RO60: variants seen among roughly 807,000 people sequenced by gnomAD.
The protein encoded by RO60 is RNA-binding protein RO60.
A neutral mutation model predicts 55.3 loss-of-function variants in RO60; 20 were observed. The observed-to-expected ratio is 0.36, with a 90% CI of 0.25 to 0.53. RO60 has a LOEUF of 0.53. Ranked by LOEUF, RO60 falls within the 20% of genes least tolerant of loss-of-function variation. The probability of loss-of-function intolerance (pLI) is 0.92; values close to 1 mark genes in which losing one functional copy is unlikely to be tolerated. For synonymous variants in RO60, 213 were observed against 213.6 expected, an observed-to-expected ratio of 1.00 and a Z score of 0.02; for missense variants, 558 against 646.6, an observed-to-expected ratio of 0.86 and a Z score of 1.49.
At position 193,090,649 on chromosome 1, in the gene RO60, A is replaced by G. The variant is rs1674821968; in HGVS notation, c.*5918A>G. 1 of 152,044 alleles carries G rather than the reference A, an allele frequency of 6.6e-6. No individual in the cohort carries two copies. Among genetic ancestry groups the G allele is most frequent in the South Asian group, 2.1e-4 (1 of 4,824 alleles). 9.4% of individuals were successfully genotyped at this position (152,044 alleles called of 1,614,324 possible). A position where few individuals can be genotyped will look rare whatever the true frequency, so the allele number is the denominator to read the frequency against. On this transcript the variant is annotated 3_prime_UTR_variant, in exon 9 of 9. Transcript: ENST00000400968. Reference sequence around the variant, plus strand: ...GCTTTATATAAAGGCTTTGATTTCAATAACTGACCATTTGATGAATATTTA... The same window carrying G: ...GCTTTATATAAAGGCTTTGATTTCAGTAACTGACCATTTGATGAATATTTA...
intron 8 of RO60, 91 bp downstream of exon 8, chr1:193,082,799 C>A: frequency 8.8e-7 from 1 of 1,130,756 alleles, no homozygotes; most frequent in Non-Finnish European, 1.2e-6. Context: ...GGACCTCATT[C>A]TGTTGCCCTG....
chr1:193,063,031 TTTTTC>T (rs1672884568), intron 1 of RO60, among the ~76,000 whole-genome samples: 1 of 152,218 alleles, frequency 6.6e-6, no homozygotes, highest in African/African-American at 2.4e-5. Flanking sequence ...CATGTATTCA[TTTTTC>T]TTAGGTGTGT....
intron 6 of RO60, among the ~76,000 whole-genome samples, chr1:193,081,789 A>G (rs1044581390): frequency 6.6e-6 from 1 of 152,124 alleles, no homozygotes; most frequent in Non-Finnish European, 1.5e-5. Flanking sequence ...TTAAAAATTT[A>G]TTTTAAAAAT....
Position 193,086,720 on chromosome 1 carries a change from T to G in RO60, c.*1989T>G, listed in dbSNP as rs1423256814. 1 of 152,138 alleles carries G rather than the reference T, an allele frequency of 6.6e-6. No homozygotes were observed. Among genetic ancestry groups the G allele is most frequent in the African/African-American group, 2.4e-5 (1 of 41,444 alleles). The allele number at this position is 152,138 out of a possible 1,614,324, so 9.4% of individuals were successfully genotyped here. On this transcript the variant is annotated 3_prime_UTR_variant, in exon 9 of 9. Coordinates refer to ENST00000400968, the MANE Select transcript of RO60 (RefSeq NM_001173524.2). ...AGACAAATATATCTATAAGTTAATA[T>G]TAAATCCATCAAGGATACAAGATTG...
chr1:193,063,183 C>T (rs564037699), intron 1 of RO60, among the ~76,000 whole-genome samples: 26 of 152,322 alleles, frequency 1.7e-4, no homozygotes, highest in African/African-American at 5.8e-4. Flanking sequence ...TCCTCACCAA[C>T]ACTTAATATT....
chr1:193,063,091 G>A (rs541766835), intron 1 of RO60, among the ~76,000 whole-genome samples: 2 of 152,278 alleles, frequency 1.3e-5, no homozygotes, highest in African/African-American at 4.8e-5. Flanking sequence ...AACCTTTTGA[G>A]AAACTGCCAG....
rs764614262 is a variant in RO60, at chr1:193,084,680, T to C, written c.1566T>C (p.Phe522=). 1 of 1,613,900 alleles carries C rather than the reference T, an allele frequency of 6.2e-7. No individual in the cohort carries two copies. Among genetic ancestry groups the C allele is most frequent in the Non-Finnish European group, 8.5e-7 (1 of 1,179,910 alleles). The part of the protein sequence containing the change: ...DDRGMLDMCG[F]DTGALDVIRN... ...GAGGCATGTTGGATATGTGCGGCTT[T>C]GATACTGGAGCTCTGGATGTAATTC... The change falls in exon 9 of 9, where the codon TTT becomes TTC. Residue 522 remains phenylalanine (F), a synonymous_variant. Transcript: ENST00000400968.
At chr1:193,079,195 C>G (rs1487746322) in intron 5 of RO60, among the ~76,000 whole-genome samples, 2 of 141,040 alleles carry the variant, frequency 1.4e-5, no homozygotes, top group African/African-American at 5.2e-5. Context: ...TCAAGTGATT[C>G]TTATGCCTCA....
chr1:193,064,783 T>C (rs1408943081), intron 1 of RO60, among the ~76,000 whole-genome samples: 1 of 152,222 alleles, frequency 6.6e-6, no homozygotes, highest in Non-Finnish European at 1.5e-5. Flanking sequence ...GAAGAGTCCA[T>C]GAATAAGTAA....
chr1:193,068,244 T>G (rs913071079), intron 1 of RO60, among the ~76,000 whole-genome samples: 1 of 152,210 alleles, frequency 6.6e-6, no homozygotes, highest in African/African-American at 2.4e-5. Context: ...TGGGAACTTG[T>G]GATAAGTATA....
In RO60 at chr1:193,076,923, A is replaced by T. The variant is rs201228303; in HGVS notation, c.959A>T (p.His320Leu). The T allele has an allele frequency of 2.5e-6, 4 of 1,611,816 alleles. No homozygotes were observed. In the African/African-American group the frequency reaches 5.3e-5, roughly 21 times the overall value. The change falls in exon 5 of 9, where the codon CAT becomes CTT. Residue 320 changes from histidine (H) to leucine (L), a missense_variant. By Grantham distance (99) the His-to-Leu change is moderately conservative (BLOSUM62 -3). Coordinates refer to ENST00000400968, the MANE Select transcript of RO60 (RefSeq NM_001173524.2). ...ATACTTTGTTTCTAGGCTCGTATAC[A>T]TCCATTTCATATTTTGATCGCATTA... ...NEKLLKKARIHPFHILIALET... is the reference protein window; with the variant it reads ...NEKLLKKARILPFHILIALET...
chr1:193,081,735 G>A (rs1435451594), intron 6 of RO60, among the ~76,000 whole-genome samples: 2 of 151,800 alleles, frequency 1.3e-5, no homozygotes, highest in Non-Finnish European at 2.9e-5. Context: ...GGATTTTTTA[G>A]GAAGTAGATA....
rs181825934 is a variant in RO60 at position 193,082,623 on chromosome 1, C to T, written c.1379C>T (p.Pro460Leu). 2.5e-6 allele frequency: 4 copies of T among 1,613,842 alleles called. No individual in the cohort carries two copies. Among genetic ancestry groups the T allele is most frequent in the Non-Finnish European group, 3.4e-6 (4 of 1,179,842 alleles). The change falls in exon 8 of 9, where the codon CCT (proline) becomes CTT (leucine). Residue 460 changes from proline to leucine, a missense_variant. Transcript: ENST00000400968. The stretch of plus-strand genomic sequence containing the variant: ...ATCTGGGCTCAGAAGACAAACACAC[C>T]TGCTGATGTCTTCATTGTATTCACT... Reference protein sequence around the residue: ...PMIWAQKTNTPADVFIVFTDN... With the variant: ...PMIWAQKTNTLADVFIVFTDN...
intron 5 of RO60, 94 bp from the exon 6 acceptor site, chr1:193,081,268 AGT>A (rs1399113431): frequency 9.6e-6 from 6 of 627,642 alleles, no homozygotes; most frequent in Non-Finnish European, 1.6e-5. Context: ...GCCTTTTATC[AGT>A]CTTTTTAATG....
chr1:193,082,233 T>C lies in RO60; in HGVS notation c.1251T>C (p.Asp417=), dbSNP rs759894509. The change falls in exon 7 of 9, where the codon GAT becomes GAC. Residue 417 remains aspartate (D), a synonymous_variant. Transcript: ENST00000400968. ...EKDSYVVAFS[D]EMVPCPVTTD... ...ATTCTTATGTAGTTGCTTTTTCCGA[T>C]GAAATGGTACCATGTCCAGTGACTA... 7 of 1,613,532 alleles carry C rather than the reference T, an allele frequency of 4.3e-6. No individual in the cohort carries two copies. Among genetic ancestry groups the C allele is most frequent in the South Asian group, 1.1e-5 (1 of 90,998 alleles).
At chr1:193,067,990 T>G (rs1673230502) in intron 1 of RO60, among the ~76,000 whole-genome samples, 2 of 152,178 alleles carry the variant, frequency 1.3e-5, no homozygotes, top group African/African-American at 4.8e-5. Context: ...TATCTCAAGG[T>G]CTGAAGATGG....
downstream of RO60, chr1:193,091,688 A>G (rs952013564): frequency 3.7e-6 from 6 of 1,611,848 alleles, no homozygotes; most frequent in Admixed American, 1.7e-5. Context: ...CATTTTAGAC[A>G]TGGAGTGCAG....
intron 2 of RO60, chr1:193,070,555 G>A: frequency 2.3e-6 from 1 of 426,904 alleles, no homozygotes; most frequent in Admixed American, 2.6e-5. Flanking sequence ...CACCGGAAGT[G>A]AAACTTGAAA....
chr1:193,060,880 G>A (rs552008755), intron 1 of RO60, among the ~76,000 whole-genome samples: 17 of 152,274 alleles, frequency 1.1e-4, no homozygotes, highest in African/African-American at 1.7e-4. Flanking sequence ...ATTGGCATCA[G>A]AGCCCAAAGT....
Sources: allele counts gnomAD v4.1 joint callset (sites outside exome capture counted in the v4.1 genomes callset), GRCh38; gene constraint gnomAD v4.1.1; transcripts MANE v1.5; gene names NCBI Gene and HGNC (gene_info 2026-07-23, HGNC 2026-07-21).